The following ARID4A variants were observed in gnomAD, a reference collection of about 807,000 sequenced individuals.
ARID4A encodes AT-rich interactive domain-containing protein 4A.
ARID4A carries 39 observed loss-of-function variants against 148.6 expected under a neutral mutation model. That is an observed-to-expected ratio of 0.26 (90% CI 0.20 to 0.34). ARID4A has a LOEUF of 0.34. Ranked by LOEUF, ARID4A falls within the 10% of genes least tolerant of loss-of-function variation. The pLI is 1.00. For missense variants in ARID4A, 1,265 were observed against 1,449.1 expected (o/e 0.87, Z 2.06); for synonymous variants, 475 against 481.2 (o/e 0.99, Z 0.17).
chr14:58,346,098 T>C (rs1342283427), intron 12 of ARID4A, among the ~76,000 whole-genome samples: 2 of 151,704 alleles, frequency 1.3e-5, no homozygotes, highest in Non-Finnish European at 2.9e-5. Flanking sequence ...TTACTTTAGT[T>C]TTACTCAATT....
At chr14:58,357,695 GC>G (rs1432729645) in intron 17 of ARID4A, among the ~76,000 whole-genome samples, 3 of 150,782 alleles carry the variant, frequency 2.0e-5, no homozygotes, top group Admixed American at 6.6e-5. Flanking sequence ...TTCCATTGTG[GC>G]CCAGAGAAGC....
In ARID4A at chr14:58,330,020, A is replaced by G. The variant is rs762767053; in HGVS notation, c.757A>G (p.Ile253Val). ...ACTCTTAGGGCTTCAGAAAGCAAGCATCTTCTTAAAAACTAGAGTTGTTCC... is the reference window on the plus strand; with the variant it reads ...ACTCTTAGGGCTTCAGAAAGCAAGCGTCTTCTTAAAAACTAGAGTTGTTCC... The part of the protein sequence containing the change: ...STKPGLQKAS[I>V]FLKTRVVPDN... Residue 253 changes from isoleucine (I) to valine (V), a missense_variant, in exon 11 of 24, where the codon ATC (isoleucine) becomes GTC (valine). By Grantham distance (29) the Ile-to-Val change is conservative. Coordinates refer to ENST00000355431, the MANE Select transcript of ARID4A (RefSeq NM_002892.4). 5.0e-6 allele frequency: 8 copies of G among 1,610,032 alleles called. No homozygotes were observed. In the South Asian group the frequency reaches 6.7e-5, roughly 13 times the overall value.
rs1263811085 is a variant in ARID4A, at chr14:58,364,833, TAGC to T, written c.2747_2749del (p.Ala916del). ...GAAAATGAAGGAATGCCATCATTGA[TAGC>T]AGAGTCAAACCAATGCATCCAACAA... On this transcript the variant is annotated inframe_deletion, in exon 20 of 24. Coordinates refer to ENST00000355431, the MANE Select transcript of ARID4A (RefSeq NM_002892.4). 1 of 1,614,144 alleles carries T rather than the reference TAGC, an allele frequency of 6.2e-7. No homozygotes were observed. Among genetic ancestry groups the T allele is most frequent in the Non-Finnish European group, 8.5e-7 (1 of 1,180,026 alleles).
chr14:58,363,411 C>T (rs1356748665), intron 19 of ARID4A, among the ~76,000 whole-genome samples: 1 of 152,094 alleles, frequency 6.6e-6, no homozygotes, highest in Non-Finnish European at 1.5e-5. Flanking sequence ...ATTTTAAAAA[C>T]TTTTCTTGCT....
chr14:58,324,155 C>T (rs568689932), intron 8 of ARID4A, among the ~76,000 whole-genome samples: 2 of 152,216 alleles, frequency 1.3e-5, no homozygotes, highest in South Asian at 2.1e-4. Flanking sequence ...CCGCCCACCT[C>T]GGCCTCCAAA....
chr14:58,301,717 T>C, intron 3 of ARID4A, 27 bp downstream of exon 3: 1 of 1,561,210 alleles, frequency 6.4e-7, no homozygotes, highest in Non-Finnish European at 8.8e-7. Context: ...TGCAATAGTT[T>C]TATTAACTCT....
chr14:58,364,171 C>T lies in ARID4A; in HGVS notation c.2082C>T (p.Asp694=). Reference sequence around the variant, plus strand: ...ATATAATAATATTTCCTCTTACAGACTCTTGTTCATCTGATAGTGAAACAG... The same window carrying T: ...ATATAATAATATTTCCTCTTACAGATTCTTGTTCATCTGATAGTGAAACAG... ...SKTANSEGKS[D]SCSSDSETED... The change falls in exon 20 of 24, where the codon GAC becomes GAT. Residue 694 remains aspartate (D), a splice_region_variant and synonymous_variant. Transcript: ENST00000355431. 2.2e-6 allele frequency: 3 copies of T among 1,355,834 alleles called. No individual in the cohort carries two copies. Among genetic ancestry groups the T allele is most frequent in the Non-Finnish European group, 2.9e-6 (3 of 1,022,820 alleles). 84.0% of individuals were successfully genotyped at this position (1,355,834 alleles called of 1,614,324 possible).
intron 5 of ARID4A, 68 bp from the exon 6 acceptor site, chr14:58,318,474 A>G (rs2032620788): frequency 7.0e-7 from 1 of 1,420,010 alleles, no homozygotes. Flanking sequence ...CAATAATAGC[A>G]TTCTGTGCTT....
chr14:58,332,006 C>G (rs901733864), intron 11 of ARID4A, among the ~76,000 whole-genome samples: 5 of 147,152 alleles, frequency 3.4e-5, no homozygotes, highest in Admixed American at 1.4e-4. Flanking sequence ...CCCCCCCCCC[C>G]CCAAAAAACC....
chr14:58,355,757 GAT>G (rs1365125232), intron 17 of ARID4A, among the ~76,000 whole-genome samples: 1 of 152,136 alleles, frequency 6.6e-6, no homozygotes, highest in African/African-American at 2.4e-5. Flanking sequence ...TGCATCACAT[GAT>G]AGCCTTCTTT....
In ARID4A at chr14:58,366,177, G is replaced by C. The variant is rs990046431; in HGVS notation, c.3470G>C (p.Arg1157Thr). 9 of 1,613,746 alleles carry C rather than the reference G, an allele frequency of 5.6e-6. No homozygotes were observed. In the African/African-American group the frequency reaches 8.0e-5, roughly 14 times the overall value. Residue 1157 changes from arginine (R) to threonine (T), a missense_variant, in exon 22 of 24, where the codon AGA (arginine) becomes ACA (threonine). Transcript: ENST00000355431. Reference sequence around the variant, plus strand: ...AAAGATGGAGAGAAAGATAAACACAGAGAAAAACATCCGAATTCATCCCCT... The same window carrying C: ...AAAGATGGAGAGAAAGATAAACACACAGAAAAACATCCGAATTCATCCCCT... ...HIKDGEKDKH[R>T]EKHPNSSPRT...
At chr14:58,316,881 A>G (rs574241995) in intron 5 of ARID4A, among the ~76,000 whole-genome samples, 3 of 147,972 alleles carry the variant, frequency 2.0e-5, no homozygotes, top group Non-Finnish European at 4.5e-5. Context: ...CGCCCGGCCA[A>G]GTAGTATGAT....
intron 17 of ARID4A, among the ~76,000 whole-genome samples, chr14:58,355,940 T>C (rs1166743212): frequency 1.3e-5 from 2 of 152,218 alleles, no homozygotes; most frequent in African/African-American, 4.8e-5. Flanking sequence ...GGATTAGTCA[T>C]CTCTCTAATT....
chr14:58,370,353 A>G (rs901591874), intron 23 of ARID4A, among the ~76,000 whole-genome samples: 10 of 151,906 alleles, frequency 6.6e-5, no homozygotes, highest in African/African-American at 1.5e-4. Flanking sequence ...CTGGAGTGCA[A>G]TGGCACAGTC....
intron 3 of ARID4A, chr14:58,303,436 T>G (rs1814169576): frequency 2.3e-6 from 1 of 433,900 alleles, no homozygotes; most frequent in African/African-American, 2.0e-5. Context: ...GTCTTCCAGA[T>G]TTTTTTTACT....
intron 16 of ARID4A, 57 bp downstream of exon 16, chr14:58,351,380 T>G (rs556454288): frequency 6.5e-7 from 1 of 1,543,796 alleles, no homozygotes; most frequent in Non-Finnish European, 8.7e-7. Flanking sequence ...AACAGCGCTT[T>G]GTTCCTGCTT....
intron 15 of ARID4A, among the ~76,000 whole-genome samples, chr14:58,349,462 T>C (rs2034532574): frequency 6.6e-6 from 1 of 151,292 alleles, no homozygotes; most frequent in African/African-American, 2.4e-5. Flanking sequence ...CTCGCCAATA[T>C]GGTGAAACCC....
intron 8 of ARID4A, among the ~76,000 whole-genome samples, chr14:58,323,998 G>A (rs1348460324): frequency 3.5e-5 from 5 of 144,720 alleles, no homozygotes; most frequent in African/African-American, 7.7e-5. Flanking sequence ...TCTGCCTTCC[G>A]GGTTCACGCC....
chr14:58,305,243 T>G (rs969437129), intron 4 of ARID4A, among the ~76,000 whole-genome samples: 1 of 152,114 alleles, frequency 6.6e-6, no homozygotes, highest in African/African-American at 2.4e-5. Context: ...ATGTTAAGTT[T>G]TTCACCTACC....
Sources: allele counts gnomAD v4.1 joint callset (sites outside exome capture counted in the v4.1 genomes callset), GRCh38; gene constraint gnomAD v4.1.1; transcripts MANE v1.5; gene names NCBI Gene and HGNC (gene_info 2026-07-23, HGNC 2026-07-21).